Variants in SNX29 observed in about 807,000 individuals in gnomAD.
SNX29 encodes sorting nexin 29.
SNX29 carries 78 observed loss-of-function variants against 102.1 expected under a neutral mutation model. That is an observed-to-expected ratio of 0.76 (90% CI 0.64 to 0.92). The LOEUF (loss-of-function observed/expected upper bound fraction) is 0.92, where lower values mean the gene tolerates loss of function less well. Among genes scored for constraint, SNX29 ranks in the 40% least tolerant of loss-of-function variants. The pLI, the probability that SNX29 is intolerant of heterozygous loss-of-function variation, is 0.00. For synonymous variants in SNX29, 580 were observed against 414.5 expected (o/e 1.40, Z -4.85); for missense variants, 1,280 against 1,061.7 (o/e 1.21, Z -2.86).
In SNX29 at chr16:12,044,616, T is replaced by C. The variant is rs187071925; in HGVS notation, c.428+1539T>C. ...TTTTTTGAGAAGAAGTCTCGCTTTT[T>C]TGCCTAGGCTGGAGTGTAGTGGCGC... On this transcript the variant is annotated intron_variant, in intron 5 of 20. Coordinates refer to ENST00000566228, the MANE Select transcript of SNX29 (RefSeq NM_032167.5). Among the ~76,000 whole-genome samples, 198 of 152,318 alleles carry C rather than the reference T, an allele frequency of 1.3e-3. 1 individual carries two copies. The highest frequency in any genetic ancestry group is 1.3e-3 in the Non-Finnish European group (86 of 68,018).
intron 15 of SNX29, among the ~76,000 whole-genome samples, chr16:12,299,760 C>T (rs55634383): frequency 2.7e-5 from 4 of 146,054 alleles, no homozygotes; most frequent in African/African-American, 7.7e-5. Flanking sequence ...TCCATAGATA[C>T]TTCTAATTCA....
intron 14 of SNX29, among the ~76,000 whole-genome samples, chr16:12,227,858 C>G (rs911207000): frequency 1.5e-5 from 2 of 135,004 alleles, no homozygotes; most frequent in African/African-American, 5.6e-5. Flanking sequence ...TGAGATCCAG[C>G]CAGTGCACTG....
At chr16:12,279,434 T>C (rs4781201) in intron 15 of SNX29, among the ~76,000 whole-genome samples, 92,789 of 152,074 alleles carry the variant, frequency 0.61, 29,029 homozygotes, top group African/African-American at 0.72. Flanking sequence ...AACACACAGG[T>C]TGGTGGGGAT....
chr16:12,355,529 C>A (rs1597048780), intron 15 of SNX29, among the ~76,000 whole-genome samples: 1 of 152,118 alleles, frequency 6.6e-6, no homozygotes, highest in African/African-American at 2.4e-5. Flanking sequence ...CTTAAAGATG[C>A]TTGCAGGATT....
chr16:12,375,996 A>G (rs112726503), intron 16 of SNX29: 5,655 of 129,482 alleles, frequency 0.044, 232 homozygotes, highest in African/African-American at 0.12. Context: ...TCGACCCACT[A>G]CATTCCAGTC....
intron 18 of SNX29, among the ~76,000 whole-genome samples, chr16:12,440,782 T>C (rs765499664): frequency 4.6e-5 from 7 of 152,364 alleles, no homozygotes; most frequent in Non-Finnish European, 8.8e-5. Context: ...CGTTCTGTTT[T>C]TGGCTGCATA....
intron 13 of SNX29, among the ~76,000 whole-genome samples, chr16:12,158,310 C>T (rs1013678874): frequency 1.3e-5 from 2 of 152,134 alleles, no homozygotes; most frequent in Non-Finnish European, 2.9e-5. Flanking sequence ...AGTAATTCTC[C>T]TGCCTCAGCC....
At chr16:12,450,530 G>T (rs2086257020) in intron 18 of SNX29, among the ~76,000 whole-genome samples, 1 of 152,202 alleles carries the variant, frequency 6.6e-6, no homozygotes, top group Non-Finnish European at 1.5e-5. Context: ...GTGGCCAAGG[G>T]AATGAGGTGC....
At chr16:12,392,267 G>C (rs1281238796) in intron 16 of SNX29, among the ~76,000 whole-genome samples, 2 of 152,092 alleles carry the variant, frequency 1.3e-5, no homozygotes, top group Non-Finnish European at 1.5e-5. Flanking sequence ...TTCATTCCTT[G>C]TTTCCAGGCT....
At chr16:12,238,740 C>T (rs1446778022) in intron 14 of SNX29, among the ~76,000 whole-genome samples, 1 of 152,210 alleles carries the variant, frequency 6.6e-6, no homozygotes, top group African/African-American at 2.4e-5. Context: ...CTGCTGGTAA[C>T]AGAGATATGG....
At chr16:12,003,088 G>GATCCT in intron 3 of SNX29, 45 bp downstream of exon 3, 2 of 1,610,422 alleles carry the variant, frequency 1.2e-6, no homozygotes. Context: ...AGGTTGGAAA[G>GATCCT]GCGGCAGAAG....
intron 13 of SNX29, among the ~76,000 whole-genome samples, chr16:12,162,698 C>G (rs767972444): frequency 6.6e-6 from 1 of 152,168 alleles, no homozygotes; most frequent in African/African-American, 2.4e-5. Flanking sequence ...GCAGTGGGGT[C>G]TTGTGTGTCC....
chr16:12,131,262 C>T (rs1317152029), intron 13 of SNX29, among the ~76,000 whole-genome samples: 2 of 152,222 alleles, frequency 1.3e-5, no homozygotes, highest in East Asian at 3.8e-4. Flanking sequence ...GTTGAGCCTC[C>T]TTTTATTTAA....
At chr16:12,294,240 G>A (rs1338785983) in intron 15 of SNX29, among the ~76,000 whole-genome samples, 2 of 152,202 alleles carry the variant, frequency 1.3e-5, no homozygotes, top group Non-Finnish European at 2.9e-5. Flanking sequence ...AGATCAAGTA[G>A]GGAGTTGTAT....
chr16:12,352,675 A>C (rs2054268758), intron 15 of SNX29, among the ~76,000 whole-genome samples: 3 of 152,208 alleles, frequency 2.0e-5, no homozygotes, highest in Non-Finnish European at 4.4e-5. Context: ...CAAGTTCAGA[A>C]CCACAACTTC....
chr16:12,462,322 A>AT (rs1390475780), intron 18 of SNX29, among the ~76,000 whole-genome samples: 1 of 152,030 alleles, frequency 6.6e-6, no homozygotes, highest in Non-Finnish European at 1.5e-5. Flanking sequence ...TGCCTTTTCA[A>AT]GTACCTCTAC....
intron 19 of SNX29, among the ~76,000 whole-genome samples, chr16:12,482,090 C>T (rs1018150916): frequency 2.0e-5 from 3 of 152,128 alleles, no homozygotes; most frequent in Non-Finnish European, 2.9e-5. Context: ...CTTTAATATC[C>T]CAAGAGCAAA....
chr16:12,539,430 GTTT>G (rs1261648276), intron 20 of SNX29, among the ~76,000 whole-genome samples: 5 of 152,188 alleles, frequency 3.3e-5, no homozygotes, highest in Middle Eastern at 3.2e-3. Flanking sequence ...AGTCAGCAGT[GTTT>G]TTATTACTGA....
At position 12,066,481 on chromosome 16, in the gene SNX29, TAG is replaced by T. The variant is rs367571856; in HGVS notation, c.1244-2573_1244-2572del. Among the ~76,000 whole-genome samples the T allele has an allele frequency of 7.0e-4, 106 of 152,220 alleles. No homozygotes were observed. In the East Asian group the frequency reaches 0.02, roughly 29 times the overall value. On this transcript the variant is annotated intron_variant, in intron 9 of 20. Coordinates refer to ENST00000566228, the MANE Select transcript of SNX29 (RefSeq NM_032167.5). ...TGGTAGGCACAGCGGGGTATCCCAGTAGAGTTTTCTAGAAGGCAGTTAGAGAT... is the reference window on the plus strand; with the variant it reads ...TGGTAGGCACAGCGGGGTATCCCAGTAGTTTTCTAGAAGGCAGTTAGAGAT...
Sources: allele counts gnomAD v4.1 joint callset (sites outside exome capture counted in the v4.1 genomes callset), GRCh38; gene constraint gnomAD v4.1.1; transcripts MANE v1.5; gene names NCBI Gene and HGNC (gene_info 2026-07-23, HGNC 2026-07-21).